Variants in NAV3 observed in about 807,000 individuals in gnomAD.
The protein encoded by NAV3 is neuron navigator 3.
NAV3 carries 87 observed loss-of-function variants against 244.7 expected under a neutral mutation model. That is an observed-to-expected ratio of 0.36 (90% confidence interval 0.30 to 0.42). The LOEUF (loss-of-function observed/expected upper bound fraction) is 0.42. Ranked by LOEUF, NAV3 falls within the 20% of genes least tolerant of loss-of-function variation. NAV3 has a pLI of 1.00. For missense variants in NAV3, 2,663 were observed against 2,893.3 expected (o/e 0.92, Z 1.83); for synonymous variants, 1,126 against 1,042.2 (o/e 1.08, Z -1.55).
At chr12:77,713,150 C>A (rs983747288) in intron 2 of NAV3, among the ~76,000 whole-genome samples, 1 of 152,170 alleles carries the variant, frequency 6.6e-6, no homozygotes, top group Admixed American at 6.5e-5. Flanking sequence ...CACCTGTGCA[C>A]GCCTGCTCTG....
chr12:77,628,092 A>G (rs1489262813), intron 2 of NAV3, among the ~76,000 whole-genome samples: 2 of 152,188 alleles, frequency 1.3e-5, no homozygotes, highest in Admixed American at 6.5e-5. Flanking sequence ...TTGATAACAC[A>G]GTAGGGTGAC....
chr12:78,024,018 CACTGATTATAT>C (rs1877586761), intron 9 of NAV3, among the ~76,000 whole-genome samples: 2 of 152,148 alleles, frequency 1.3e-5, no homozygotes, highest in African/African-American at 2.4e-5. Context: ...ACTGCACTCT[CACTGATTATAT>C]ACTCCTATCA....
chr12:78,164,835 A>C (rs577663395), intron 23 of NAV3, among the ~76,000 whole-genome samples: 1 of 152,048 alleles, frequency 6.6e-6, no homozygotes, highest in East Asian at 1.9e-4. Context: ...AAATTTAAAC[A>C]GGCTTGCCTA....
At chr12:77,686,135 G>A (rs563196122) in intron 2 of NAV3, among the ~76,000 whole-genome samples, 2 of 152,178 alleles carry the variant, frequency 1.3e-5, no homozygotes, top group African/African-American at 4.8e-5. Context: ...ATGGATTTAT[G>A]TATGTATGTA....
intron 2 of NAV3, among the ~76,000 whole-genome samples, chr12:77,695,277 T>C (rs1875243201): frequency 6.6e-6 from 1 of 152,120 alleles, no homozygotes; most frequent in African/African-American, 2.4e-5. Context: ...AGTTTCATGG[T>C]TAGAGGTCTT....
intron 2 of NAV3, among the ~76,000 whole-genome samples, chr12:77,752,159 C>T (rs1442665393): frequency 5.3e-5 from 8 of 152,128 alleles, no homozygotes; most frequent in Admixed American, 5.2e-4. Flanking sequence ...TTCTTTGAGG[C>T]TATCTTTTCT....
At chr12:78,121,856 G>T (rs1955682674) in intron 15 of NAV3, 84 bp from the exon 16 acceptor site, 1 of 1,526,042 alleles carries the variant, frequency 6.6e-7, no homozygotes, top group Non-Finnish European at 8.9e-7. Context: ...AAGCACACTT[G>T]GCTCTGTGTA....
chr12:77,896,124 A>AT (rs1481504382), intron 1 of NAV3, among the ~76,000 whole-genome samples: 1 of 152,122 alleles, frequency 6.6e-6, no homozygotes, highest in East Asian at 1.9e-4. Context: ...AACCACAATC[A>AT]TTTTCAAGAG....
Position 78,204,858 on chromosome 12 carries a change from C to T in NAV3, c.6835-77C>T, listed in dbSNP as rs1261306163. On this transcript the variant is annotated intron_variant, in intron 38 of 39. Coordinates refer to ENST00000397909, the MANE Select transcript of NAV3 (RefSeq NM_001024383.2). ...AAGAACTCAATATGTCAAAAAATCA[C>T]ATCCAACTAGCAGTCCCCTTTTTTG... 4 of 1,291,084 alleles carry T rather than the reference C, an allele frequency of 3.1e-6. No individual in the cohort carries two copies. In the East Asian group the frequency reaches 9.8e-5, roughly 32 times the overall value. 80.0% of individuals were successfully genotyped at this position (1,291,084 alleles called of 1,614,324 possible).
At chr12:77,841,237 A>G (rs1254127635) in intron 1 of NAV3, among the ~76,000 whole-genome samples, 5 of 152,210 alleles carry the variant, frequency 3.3e-5, no homozygotes, top group Non-Finnish European at 5.9e-5. Context: ...ACATTTTCCC[A>G]GTATAACAAC....
intron 12 of NAV3, among the ~76,000 whole-genome samples, chr12:78,095,848 A>G (rs1954222430): frequency 6.6e-6 from 1 of 152,184 alleles, no homozygotes; most frequent in Non-Finnish European, 1.5e-5. Context: ...CCATGTTTGC[A>G]CAATAGAGTG....
At chr12:77,960,448 T>TACAC (rs745583068) in intron 3 of NAV3, among the ~76,000 whole-genome samples, 1 of 86,756 alleles carries the variant, frequency 1.2e-5, no homozygotes, top group Admixed American at 1.3e-4. Flanking sequence ...TATATATATA[T>TACAC]ATACACACAC....
At chr12:77,854,707 C>T (rs7301383) in intron 1 of NAV3, among the ~76,000 whole-genome samples, 119,102 of 152,108 alleles carry the variant, frequency 0.78, 48,352 homozygotes, top group East Asian at 1. Flanking sequence ...TATGCTAATT[C>T]CAAGTTCATT....
At chr12:77,769,831 A>G (rs905632771) in intron 2 of NAV3, among the ~76,000 whole-genome samples, 27 of 152,216 alleles carry the variant, frequency 1.8e-4, no homozygotes, top group Admixed American at 1.4e-3. Flanking sequence ...TAGGCAGTGA[A>G]TATTATTAAT....
intron 2 of NAV3, among the ~76,000 whole-genome samples, chr12:77,790,228 A>G (rs143638144): frequency 5.0e-4 from 76 of 152,350 alleles, no homozygotes; most frequent in African/African-American, 1.3e-3. Context: ...CACAGTGGGC[A>G]TATGCCATAT....
At chr12:78,104,972 G>A (rs752318972) in intron 12 of NAV3, among the ~76,000 whole-genome samples, 1 of 152,040 alleles carries the variant, frequency 6.6e-6, no homozygotes, top group African/African-American at 2.4e-5. Flanking sequence ...CTTTCTAAAT[G>A]AGTTTTTGTT....
At chr12:77,855,975 A>G (rs1878340086) in intron 1 of NAV3, among the ~76,000 whole-genome samples, 1 of 152,198 alleles carries the variant, frequency 6.6e-6, no homozygotes, top group African/African-American at 2.4e-5. Context: ...ACTGATACAG[A>G]TTCGTACTGC....
chr12:77,574,166 G>A (rs1724396247), intron 2 of NAV3, among the ~76,000 whole-genome samples: 1 of 152,136 alleles, frequency 6.6e-6, no homozygotes, highest in Non-Finnish European at 1.5e-5. Flanking sequence ...GAAGAGGAAT[G>A]AATGTTTTCA....
intron 2 of NAV3, among the ~76,000 whole-genome samples, chr12:77,633,024 C>G (rs1267243101): frequency 6.6e-6 from 1 of 151,932 alleles, no homozygotes; most frequent in Non-Finnish European, 1.5e-5. Flanking sequence ...TTTAGGGGTT[C>G]ATATTCAGAG....
Sources: gnomAD v4.1 joint callset for allele counts (sites outside exome capture counted in the v4.1 genomes callset) on GRCh38, gnomAD v4.1.1 for gene constraint, MANE v1.5 for transcripts, NCBI Gene and HGNC (gene_info 2026-07-23, HGNC 2026-07-21) for gene names.